CHRM3: variants seen among roughly 807,000 people sequenced by gnomAD.
CHRM3 encodes the protein cholinergic receptor muscarinic 3, also known as muscarinic acetylcholine receptor M3.
A neutral mutation model predicts 41.8 loss-of-function variants in CHRM3; 11 were observed. The observed-to-expected ratio is 0.26, with a 90% CI of 0.17 to 0.44. The LOEUF (loss-of-function observed/expected upper bound fraction) is 0.44, where lower values mean the gene tolerates loss of function less well. CHRM3 is among the 20% of genes least tolerant of loss of function. CHRM3 has a pLI of 1.00. For synonymous variants in CHRM3, 297 were observed against 301.4 expected (o/e 0.99, Z 0.15); for missense variants, 571 against 745.4 (o/e 0.77, Z 2.72).
intron 6 of CHRM3, among the ~76,000 whole-genome samples, chr1:239,866,443 G>C (rs963069349): frequency 2.0e-5 from 3 of 151,846 alleles, no homozygotes; most frequent in Non-Finnish European, 4.4e-5. Flanking sequence ...CAGCCAGTAA[G>C]AGGTGGATCC....
chr1:239,851,273 CAATT>C (rs549691278), intron 6 of CHRM3, among the ~76,000 whole-genome samples: 95 of 152,232 alleles, frequency 6.2e-4, no homozygotes, highest in African/African-American at 2.2e-3. Flanking sequence ...CTTTAAAAAA[CAATT>C]AGTTATTTGA....
At chr1:239,416,952 A>G (rs574028811) in intron 1 of CHRM3, among the ~76,000 whole-genome samples, 1 of 152,318 alleles carries the variant, frequency 6.6e-6, no homozygotes, top group Admixed American at 6.5e-5. Flanking sequence ...TCATGGACTG[A>G]GTATTTAACA....
intron 6 of CHRM3, among the ~76,000 whole-genome samples, chr1:239,874,264 CTATATATATCTATATACACAGTATATA>C (rs1428919350): frequency 1.6e-5 from 1 of 63,944 alleles, no homozygotes; most frequent in Non-Finnish European, 3.0e-5. Context: ...ATAGCAAGAC[CTATATATATCTATATACACAGTATATA>C]TATATATATA....
chr1:239,476,761 G>A (rs1166407137), intron 1 of CHRM3, among the ~76,000 whole-genome samples: 2 of 152,138 alleles, frequency 1.3e-5, no homozygotes, highest in East Asian at 1.9e-4. Flanking sequence ...AAAGCATGTT[G>A]ATGACATTTT....
At chr1:239,490,674 GCCTCAGCTA>G (rs774928658) in intron 1 of CHRM3, among the ~76,000 whole-genome samples, 4 of 151,936 alleles carry the variant, frequency 2.6e-5, no homozygotes, top group Middle Eastern at 3.2e-3. Context: ...CAATCCTTTG[GCCTCAGCTA>G]CCTGGGTAGC....
chr1:239,660,753 G>T (rs556107197), intron 4 of CHRM3, among the ~76,000 whole-genome samples: 1 of 152,046 alleles, frequency 6.6e-6, no homozygotes, highest in African/African-American at 2.4e-5. Flanking sequence ...GTGTGATGGC[G>T]CATGCTTGTA....
At chr1:239,857,511 T>C (rs148410859) in intron 6 of CHRM3, among the ~76,000 whole-genome samples, 122 of 152,342 alleles carry the variant, frequency 8.0e-4, no homozygotes, top group African/African-American at 2.8e-3. Flanking sequence ...TTTGTGTGTG[T>C]GTGAAGTAAA....
At chr1:239,449,399 G>A (rs559553282) in intron 1 of CHRM3, among the ~76,000 whole-genome samples, 1 of 152,114 alleles carries the variant, frequency 6.6e-6, no homozygotes, top group East Asian at 1.9e-4. Context: ...ACTATATAAA[G>A]ACTGGAACAA....
chr1:239,877,882 ATTTC>A (rs1382242695), intron 6 of CHRM3, among the ~76,000 whole-genome samples: 1 of 147,252 alleles, frequency 6.8e-6, no homozygotes, highest in African/African-American at 2.5e-5. Flanking sequence ...TGTGCACTTT[ATTTC>A]TTTCTTTTTT....
intron 6 of CHRM3, among the ~76,000 whole-genome samples, chr1:239,899,488 A>G (rs1005253826): frequency 8.8e-6 from 1 of 113,516 alleles, no homozygotes; most frequent in Non-Finnish European, 1.7e-5. Context: ...ATATATACTC[A>G]CACACATGTA....
chr1:239,795,097 T>G (rs1209601035), intron 5 of CHRM3, among the ~76,000 whole-genome samples: 2 of 152,176 alleles, frequency 1.3e-5, no homozygotes, highest in African/African-American at 4.8e-5. Flanking sequence ...TAATAAATAT[T>G]TTACTTTTTA....
chr1:239,802,782 G>C (rs935716102), intron 5 of CHRM3, among the ~76,000 whole-genome samples: 1 of 152,084 alleles, frequency 6.6e-6, no homozygotes, highest in Non-Finnish European at 1.5e-5. Context: ...GTTTTTTGTA[G>C]AGATGGGGTT....
chr1:239,753,814 C>T (rs1428224780), intron 5 of CHRM3, among the ~76,000 whole-genome samples: 2 of 152,144 alleles, frequency 1.3e-5, no homozygotes, highest in Non-Finnish European at 2.9e-5. Context: ...GATACACAGA[C>T]AACAGTGGAT....
intron 5 of CHRM3, among the ~76,000 whole-genome samples, chr1:239,695,596 T>G (rs2148030849): frequency 6.6e-6 from 1 of 152,224 alleles, no homozygotes; most frequent in South Asian, 2.1e-4. Flanking sequence ...AAGCTCAAGT[T>G]CAGTTTATGA....
At chr1:239,785,154 T>C (rs1282456953) in intron 5 of CHRM3, among the ~76,000 whole-genome samples, 1 of 152,092 alleles carries the variant, frequency 6.6e-6, no homozygotes, top group Non-Finnish European at 1.5e-5. Context: ...GGTCTTGGCA[T>C]AAATAGGACC....
intron 5 of CHRM3, among the ~76,000 whole-genome samples, chr1:239,725,779 G>A (rs1440093473): frequency 6.6e-6 from 1 of 151,942 alleles, no homozygotes; most frequent in African/African-American, 2.4e-5. Flanking sequence ...AAAAGGTAAA[G>A]CTACCTTCTT....
chr1:239,553,161 T>C (rs1660031097), intron 3 of CHRM3, among the ~76,000 whole-genome samples: 1 of 152,096 alleles, frequency 6.6e-6, no homozygotes, highest in Admixed American at 6.5e-5. Flanking sequence ...TTCCAAAGAC[T>C]TTGTAAGGAA....
At chr1:239,715,670 T>G (rs547372294) in intron 5 of CHRM3, among the ~76,000 whole-genome samples, 1 of 151,894 alleles carries the variant, frequency 6.6e-6, no homozygotes, top group Non-Finnish European at 1.5e-5. Context: ...GGATCCAGAG[T>G]AAAAGTGGGA....
At chr1:239,418,658 A>C (rs1019489152) in intron 1 of CHRM3, among the ~76,000 whole-genome samples, 3 of 152,226 alleles carry the variant, frequency 2.0e-5, no homozygotes, top group African/African-American at 7.2e-5. Context: ...AGTTCTTTAA[A>C]GTCTGTTTGC....
Sources: allele counts gnomAD v4.1 joint callset (sites outside exome capture counted in the v4.1 genomes callset), GRCh38; gene constraint gnomAD v4.1.1; transcripts MANE v1.5; gene names NCBI Gene and HGNC (gene_info 2026-07-23, HGNC 2026-07-21).